VRK2: variants seen among roughly 807,000 people sequenced by gnomAD.
VRK2 encodes serine/threonine-protein kinase VRK2.
In VRK2, 60 loss-of-function variants were observed where a neutral mutation model predicts 57.6. The observed-to-expected ratio is 1.04, with a 90% confidence interval of 0.85 to 1.29. The LOEUF (loss-of-function observed/expected upper bound fraction) is 1.29. VRK2 is among the 50% of genes most tolerant of loss of function. VRK2 has a pLI of 0.00. For missense variants in VRK2, 705 were observed against 588.1 expected (o/e 1.20, Z -2.06); for synonymous variants, 231 against 199.2 (o/e 1.16, Z -1.35).
chr2:58,057,767 G>A (rs990063286), intron 2 of VRK2, among the ~76,000 whole-genome samples: 2 of 152,198 alleles, frequency 1.3e-5, no homozygotes, highest in Admixed American at 1.3e-4. Flanking sequence ...CTTTTGTTAT[G>A]GTTTCTGGGC....
At chr2:57,995,520 T>C (rs1305726278) in intron 1 of VRK2, among the ~76,000 whole-genome samples, 1 of 152,184 alleles carries the variant, frequency 6.6e-6, no homozygotes, top group African/African-American at 2.4e-5. Flanking sequence ...AAATATCCAA[T>C]TCTACATCAT....
intron 1 of VRK2, among the ~76,000 whole-genome samples, chr2:57,954,013 C>T (rs1249935248): frequency 6.6e-6 from 1 of 152,194 alleles, no homozygotes; most frequent in Non-Finnish European, 1.5e-5. Flanking sequence ...TCCCATCTCA[C>T]CACCATGTCC....
chr2:58,144,331 G>A lies in VRK2; in HGVS notation c.1024-1985G>A, dbSNP rs193298869. On this transcript the variant is annotated intron_variant, in intron 11 of 12. Coordinates refer to ENST00000340157, the MANE Select transcript of VRK2 (RefSeq NM_006296.7). ...CTGGGGATCTGATGTACAGCATGGT[G>A]ACTGTAGTTAGTAATACTGTGTTGT... is the stretch of plus-strand genomic sequence containing the variant. Among the ~76,000 whole-genome samples the A allele has an allele frequency of 2.6e-5, 4 of 152,076 alleles. No individual in the cohort carries two copies. In the East Asian group the frequency reaches 7.7e-4, roughly 29 times the overall value.
intron 11 of VRK2, among the ~76,000 whole-genome samples, chr2:58,140,328 G>GTT (rs1365421705): frequency 6.6e-6 from 1 of 151,786 alleles, no homozygotes. Flanking sequence ...TTTTTTAAAA[G>GTT]TTACACCTCT....
At chr2:58,044,248 G>A (rs1674582499), upstream of VRK2, among the ~76,000 whole-genome samples, 1 of 152,132 alleles carries the variant, frequency 6.6e-6, no homozygotes, top group South Asian at 2.1e-4. Flanking sequence ...GATGACTGCA[G>A]CCATTTTAAC....
rs145144904 is a variant in VRK2 at position 58,131,834 on chromosome 2, A to T, written c.703A>T (p.Ile235Phe). 3.1e-6 allele frequency: 5 copies of T among 1,613,620 alleles called. No individual in the cohort carries two copies. Among genetic ancestry groups the T allele is most frequent in the African/African-American group, 1.3e-5 (1 of 74,990 alleles). Residue 235 changes from isoleucine to phenylalanine, a missense_variant, in exon 9 of 13, where the codon ATC becomes TTC. Transcript: ENST00000340157. ...VALSRRSDVE[I>F]LGYCMLRWLC... ...CTTGTCCAGACGAAGTGACGTTGAG[A>T]TCCTCGGCTACTGCATGCTGCGGTG...
intron 1 of VRK2, among the ~76,000 whole-genome samples, chr2:57,948,591 G>A (rs754188873): frequency 3.8e-4 from 58 of 151,956 alleles, no homozygotes; most frequent in Non-Finnish European, 4.1e-4. Context: ...TTAACTTGTG[G>A]GTTTTAAGTG....
chr2:58,108,472 T>A (rs1297790405), intron 7 of VRK2, among the ~76,000 whole-genome samples: 1 of 152,196 alleles, frequency 6.6e-6, no homozygotes, highest in Non-Finnish European at 1.5e-5. Flanking sequence ...TTAGCATGGT[T>A]TCCAAGGCTC....
intron 4 of VRK2, among the ~76,000 whole-genome samples, chr2:58,085,920 C>CTTTT (rs1249303592): frequency 8.8e-6 from 1 of 113,798 alleles, no homozygotes; most frequent in African/African-American, 3.7e-5. Flanking sequence ...CCAATTTCTG[C>CTTTT]TTTTTTTTTC....
chr2:58,137,125 G>A (rs1573337530), intron 10 of VRK2, among the ~76,000 whole-genome samples: 2 of 19,288 alleles, frequency 1.0e-4, no homozygotes, highest in Non-Finnish European at 2.7e-4. Flanking sequence ...TCATATATGT[G>A]TATATATCAT....
chr2:58,034,026 AT>A (rs1234257793), intron 3 of VRK2, among the ~76,000 whole-genome samples: 1 of 151,990 alleles, frequency 6.6e-6, no homozygotes, highest in Non-Finnish European at 1.5e-5. Flanking sequence ...TTCCCAAATA[AT>A]TTCTGAGGAT....
intron 12 of VRK2, among the ~76,000 whole-genome samples, chr2:58,156,965 C>T (rs934826515): frequency 6.6e-6 from 1 of 152,040 alleles, no homozygotes; most frequent in Admixed American, 6.6e-5. Context: ...TTATTGCATT[C>T]CTTTAAAGAG....
At chr2:58,118,593 T>G (rs1358943685) in intron 7 of VRK2, among the ~76,000 whole-genome samples, 1 of 152,218 alleles carries the variant, frequency 6.6e-6, no homozygotes, top group Non-Finnish European at 1.5e-5. Context: ...CTGGTCAGTC[T>G]GAGGACCTGA....
intron 1 of VRK2, among the ~76,000 whole-genome samples, chr2:57,980,546 AG>A (rs1672390677): frequency 6.6e-6 from 1 of 152,138 alleles, no homozygotes; most frequent in Non-Finnish European, 1.5e-5. Context: ...GATGTCTCTC[AG>A]GGTCATTTGG....
intron 2 of VRK2, among the ~76,000 whole-genome samples, chr2:58,049,510 A>G (rs1049433479): frequency 2.0e-5 from 3 of 152,006 alleles, no homozygotes; most frequent in African/African-American, 4.8e-5. Flanking sequence ...ACTCAAAATT[A>G]TTTTCTGTGA....
intron 2 of VRK2, among the ~76,000 whole-genome samples, chr2:58,078,109 G>T (rs1361151920): frequency 6.6e-6 from 1 of 151,988 alleles, no homozygotes; most frequent in Non-Finnish European, 1.5e-5. Flanking sequence ...TTCCCATTTT[G>T]CAGTACTGAA....
chr2:58,153,404 TAA>T (rs1683340804), intron 12 of VRK2, among the ~76,000 whole-genome samples: 2 of 152,074 alleles, frequency 1.3e-5, no homozygotes, highest in South Asian at 4.1e-4. Context: ...TCTAATGTAC[TAA>T]GAGTTTTCAT....
At chr2:58,054,311 T>G (rs926285879) in intron 2 of VRK2, among the ~76,000 whole-genome samples, 1 of 152,064 alleles carries the variant, frequency 6.6e-6, no homozygotes, top group African/African-American at 2.4e-5. Flanking sequence ...TATAAAATAC[T>G]CTATTCTTCA....
chr2:57,998,570 T>A (rs1410598537), intron 1 of VRK2, among the ~76,000 whole-genome samples: 1 of 152,204 alleles, frequency 6.6e-6, no homozygotes, highest in African/African-American at 2.4e-5. Context: ...TTATTAACAT[T>A]TTTGAACAAT....
Sources: allele counts gnomAD v4.1 joint callset (sites outside exome capture counted in the v4.1 genomes callset), GRCh38; gene constraint gnomAD v4.1.1; transcripts MANE v1.5; gene names NCBI Gene and HGNC (gene_info 2026-07-23, HGNC 2026-07-21).